The following ADAMTS20 variants were observed in gnomAD, a reference collection of about 807,000 sequenced individuals.
ADAMTS20 encodes the protein A disintegrin and metalloproteinase with thrombospondin motifs 20.
ADAMTS20 carries 225 observed loss-of-function variants against 260.1 expected under a neutral mutation model. The observed-to-expected ratio is 0.87, with a 90% confidence interval of 0.78 to 0.97. ADAMTS20 has a LOEUF of 0.97. ADAMTS20 is among the 50% of genes least tolerant of loss of function. The pLI is 0.00. For synonymous variants in ADAMTS20, 802 were observed against 769.5 expected, an observed-to-expected ratio of 1.04 and a Z score of -0.70; for missense variants, 2,400 against 2,337.7, an observed-to-expected ratio of 1.03 and a Z score of -0.55.
At chr12:43,411,518 C>A (rs540544245) in intron 28 of ADAMTS20, among the ~76,000 whole-genome samples, 1 of 152,078 alleles carries the variant, frequency 6.6e-6, no homozygotes, top group East Asian at 1.9e-4. Context: ...CAGGCGCCCA[C>A]CACCACGCCC....
At chr12:43,507,701 A>T (rs1304843412) in intron 3 of ADAMTS20, among the ~76,000 whole-genome samples, 1 of 152,202 alleles carries the variant, frequency 6.6e-6, no homozygotes, top group Non-Finnish European at 1.5e-5. Flanking sequence ...TTTCTGTGCA[A>T]ACTAAAATAA....
intron 4 of ADAMTS20, among the ~76,000 whole-genome samples, chr12:43,501,583 C>T (rs1942768008): frequency 6.6e-6 from 1 of 151,942 alleles, no homozygotes; most frequent in South Asian, 2.1e-4. Context: ...TGGGTACTAG[C>T]ACTACCACTG....
At chr12:43,389,689 G>GT (rs61328758) in intron 29 of ADAMTS20, among the ~76,000 whole-genome samples, 33,325 of 151,566 alleles carry the variant, frequency 0.22, 4,345 homozygotes, top group African/African-American at 0.35. Context: ...ATTCAGCCAG[G>GT]TTTTTTTTGT....
At chr12:43,496,497 C>T (rs1405449866) in intron 4 of ADAMTS20, among the ~76,000 whole-genome samples, 3 of 152,322 alleles carry the variant, frequency 2.0e-5, no homozygotes, top group East Asian at 3.9e-4. Flanking sequence ...CCCCCGGCCA[C>T]TGGTATTGTC....
At chr12:43,481,189 G>A (rs1208354818) in intron 7 of ADAMTS20, among the ~76,000 whole-genome samples, 1 of 152,100 alleles carries the variant, frequency 6.6e-6, no homozygotes, top group Non-Finnish European at 1.5e-5. Flanking sequence ...TCAGACCTTG[G>A]TGATGACCTT....
intron 37 of ADAMTS20, 120 bp from the exon 38 acceptor site, chr12:43,356,708 A>G: frequency 1.5e-6 from 1 of 658,628 alleles, no homozygotes; most frequent in South Asian, 2.2e-5. Flanking sequence ...TTTGTGGAGA[A>G]GTAACTCTGC....
At chr12:43,405,399 CAGA>C (rs1300753030) in intron 28 of ADAMTS20, among the ~76,000 whole-genome samples, 2 of 143,598 alleles carry the variant, frequency 1.4e-5, no homozygotes, top group Non-Finnish European at 3.0e-5. Flanking sequence ...GCCTGGGCAA[CAGA>C]AGAAGACGTC....
At chr12:43,387,325 G>A (rs1940501052) in intron 29 of ADAMTS20, among the ~76,000 whole-genome samples, 1 of 152,192 alleles carries the variant, frequency 6.6e-6, no homozygotes, top group Non-Finnish European at 1.5e-5. Flanking sequence ...AGAGGCTGCA[G>A]AACAGCAAAG....
At chr12:43,355,506 A>G (rs749061417) in intron 38 of ADAMTS20, among the ~76,000 whole-genome samples, 3 of 152,208 alleles carry the variant, frequency 2.0e-5, no homozygotes, top group Non-Finnish European at 4.4e-5. Flanking sequence ...CATCTTCAGA[A>G]ATAGAATGTT....
At chr12:43,549,246 T>C (rs1223292424) in intron 2 of ADAMTS20, among the ~76,000 whole-genome samples, 1 of 151,718 alleles carries the variant, frequency 6.6e-6, no homozygotes, top group Non-Finnish European at 1.5e-5. Context: ...CGTAACATTA[T>C]AAAAATATTA....
rs146155152 is a variant in ADAMTS20, at chr12:43,460,827, C to T, written c.1614+2068G>A. Among the ~76,000 whole-genome samples, 911 of 150,904 alleles carry T rather than the reference C, an allele frequency of 6.0e-3. 12 individuals carry two copies. The highest frequency in any genetic ancestry group is 0.021 in the African/African-American group (869 of 41,150). On this transcript the variant is annotated intron_variant, in intron 11 of 38. Transcript: ENST00000389420. ...TTGAACAAAAGACGCCTGTCCCATT[C>T]CACTCCTTCAAAAAAGATGACGCTG...
chr12:43,359,161 C>T (rs1939814897), intron 37 of ADAMTS20, among the ~76,000 whole-genome samples: 1 of 152,098 alleles, frequency 6.6e-6, no homozygotes, highest in South Asian at 2.1e-4. Context: ...GAAGCAGCCA[C>T]TAAACAAAGT....
chr12:43,375,416 G>T lies in ADAMTS20; in HGVS notation c.5409C>A (p.Ser1803Arg). 3 of 1,613,552 alleles carry T rather than the reference G, an allele frequency of 1.9e-6. No homozygotes were observed. Among genetic ancestry groups the T allele is most frequent in the South Asian group, 1.1e-5 (1 of 91,060 alleles). ...TGGAAGTGAGATCAATTCTTATTTT[G>T]CTGAAAACAGTGTATCCAGCAGCTA... ...GHLAAGYTVFSKIRIDLTSMQ... is the reference protein window; with the variant it reads ...GHLAAGYTVFRKIRIDLTSMQ... Residue 1803 changes from serine (S) to arginine (R), a missense_variant, in exon 36 of 39, where the codon AGC becomes AGA. By Grantham distance (110) the Ser-to-Arg change is moderately radical. Coordinates refer to ENST00000389420, the MANE Select transcript of ADAMTS20 (RefSeq NM_025003.5).
At chr12:43,471,267 G>A (rs923467550) in intron 7 of ADAMTS20, among the ~76,000 whole-genome samples, 9 of 152,222 alleles carry the variant, frequency 5.9e-5, no homozygotes, top group Admixed American at 4.6e-4. Flanking sequence ...CGAATATTGC[G>A]CTTTTCAGAC....
At chr12:43,450,081 C>A (rs577428879) in intron 14 of ADAMTS20, among the ~76,000 whole-genome samples, 1 of 152,144 alleles carries the variant, frequency 6.6e-6, no homozygotes, top group Non-Finnish European at 1.5e-5. Flanking sequence ...TAACTCATGA[C>A]CTTAGAACTC....
chr12:43,480,992 G>C (rs958710116), intron 7 of ADAMTS20, among the ~76,000 whole-genome samples: 3 of 151,948 alleles, frequency 2.0e-5, no homozygotes, highest in Non-Finnish European at 4.4e-5. Flanking sequence ...TAAGATAATA[G>C]GTTTGTTAAT....
intron 4 of ADAMTS20, among the ~76,000 whole-genome samples, chr12:43,495,585 T>C (rs17093390): frequency 0.12 from 17,537 of 152,214 alleles, 1,136 homozygotes; most frequent in Admixed American, 0.21. Flanking sequence ...ATGTCTAAAT[T>C]GGAAGCAAAG....
intron 3 of ADAMTS20, among the ~76,000 whole-genome samples, chr12:43,512,279 A>G (rs1942936032): frequency 6.7e-6 from 1 of 149,394 alleles, no homozygotes. Flanking sequence ...TAAACTGCCT[A>G]TTGTAATATA....
intron 7 of ADAMTS20, among the ~76,000 whole-genome samples, chr12:43,488,382 G>C (rs976894353): frequency 1.2e-4 from 18 of 152,104 alleles, no homozygotes; most frequent in Admixed American, 1.2e-3. Context: ...CTTCATCTGT[G>C]GGAGTAGATG....
Sources: gnomAD v4.1 joint callset for allele counts (sites outside exome capture counted in the v4.1 genomes callset) on GRCh38, gnomAD v4.1.1 for gene constraint, MANE v1.5 for transcripts, NCBI Gene and HGNC (gene_info 2026-07-23, HGNC 2026-07-21) for gene names.